The following CSMD1 variants were observed in gnomAD, a reference collection of about 807,000 sequenced individuals.
The protein encoded by CSMD1 is CUB and sushi domain-containing protein 1.
A neutral mutation model predicts 417.5 loss-of-function variants in CSMD1; 213 were observed. The ratio of observed to expected loss-of-function variants is 0.51; its 90% CI spans 0.46 to 0.57. The LOEUF (loss-of-function observed/expected upper bound fraction) is 0.57. Ranked by LOEUF, CSMD1 falls within the 20% of genes least tolerant of loss-of-function variation. The pLI is 0.00. For missense variants in CSMD1, 6,923 were observed against 4,529.7 expected (o/e 1.53, Z -15.17); for synonymous variants, 2,862 against 1,736.8 (o/e 1.65, Z -16.11).
chr8:4,431,505 T>C (rs558569099), intron 2 of CSMD1, among the ~76,000 whole-genome samples: 6 of 152,126 alleles, frequency 3.9e-5, no homozygotes, highest in South Asian at 2.1e-4. Flanking sequence ...TAGAGACCAA[T>C]TGCTACTCAG....
At chr8:3,746,376 G>C (rs1311432537) in intron 6 of CSMD1, among the ~76,000 whole-genome samples, 3 of 152,186 alleles carry the variant, frequency 2.0e-5, no homozygotes, top group South Asian at 2.1e-4. Flanking sequence ...AGATTTACTG[G>C]ATACCATTGT....
chr8:4,914,583 G>GAAAAAA (rs59293226), intron 1 of CSMD1, among the ~76,000 whole-genome samples: 1 of 133,684 alleles, frequency 7.5e-6, no homozygotes. Context: ...CTCCCAAAAA[G>GAAAAAA]AAAAAAAAAA....
intron 2 of CSMD1, among the ~76,000 whole-genome samples, chr8:4,624,478 C>T (rs1182389561): frequency 6.6e-6 from 1 of 152,130 alleles, no homozygotes; most frequent in African/African-American, 2.4e-5. Flanking sequence ...CAATCACCTT[C>T]TACATCAGAG....
chr8:3,105,874 G>A (rs1039503330), intron 46 of CSMD1, among the ~76,000 whole-genome samples: 1 of 152,234 alleles, frequency 6.6e-6, no homozygotes, highest in Non-Finnish European at 1.5e-5. Context: ...AGTTTTCATA[G>A]CGGAAGCTAG....
In CSMD1 at chr8:4,994,374, C is replaced by A; in HGVS notation, c.43G>T (p.Gly15Trp). 6.2e-7 allele frequency: 1 copy of A among 1,612,094 alleles called. No individual in the cohort carries two copies. ...AGCCTCGCGCACAGCACCAGCAGCC[C>A]GAGAAGCAGGAGCAGCGACTGGAAT... The part of the protein sequence containing the change: ...RRFQSLLLLL[G>W]LLVLCARLLT... Residue 15 changes from glycine (G) to tryptophan (W), a missense_variant, in exon 1 of 70, where the codon GGG becomes TGG. Coordinates refer to ENST00000635120, the MANE Select transcript of CSMD1 (RefSeq NM_033225.6).
intron 49 of CSMD1, among the ~76,000 whole-genome samples, chr8:3,081,789 A>G (rs186091678): frequency 6.6e-6 from 1 of 152,352 alleles, no homozygotes; most frequent in East Asian, 1.9e-4. Context: ...AAAGTCAAAT[A>G]TGATAAAGCA....
intron 3 of CSMD1, among the ~76,000 whole-genome samples, chr8:4,332,552 T>TACACACAG (rs1799926811): frequency 7.8e-6 from 1 of 128,746 alleles, no homozygotes; most frequent in Non-Finnish European, 1.7e-5. Context: ...TGATATCACA[T>TACACACAG]ACACACACAC....
chr8:2,945,175 G>T (rs1403209009), intron 68 of CSMD1, among the ~76,000 whole-genome samples: 1 of 152,140 alleles, frequency 6.6e-6, no homozygotes, highest in Non-Finnish European at 1.5e-5. Context: ...GCCCTACAAG[G>T]TAGTTCCTCT....
At chr8:4,196,711 G>A (rs746986873) in intron 3 of CSMD1, among the ~76,000 whole-genome samples, 1 of 152,042 alleles carries the variant, frequency 6.6e-6, no homozygotes, top group African/African-American at 2.4e-5. Context: ...GCTAGAATAG[G>A]TCCACCAGGG....
rs531001815 is a variant in CSMD1 at position 3,525,442 on chromosome 8, G to A, written c.1345-31716C>T. Among the ~76,000 whole-genome samples, 16 of 152,224 alleles carry A rather than the reference G, an allele frequency of 1.1e-4. No homozygotes were observed. The East Asian group carries it at 2.9e-3, about 28-fold the overall frequency. ...GTACTGAGTTCACAAAAATTTACAA[G>A]CCAAGCCATTTTATAACTGACAGCA... On this transcript the variant is annotated intron_variant, in intron 10 of 69. Coordinates refer to ENST00000635120, the MANE Select transcript of CSMD1 (RefSeq NM_033225.6).
chr8:4,131,754 G>A (rs1371571751), intron 3 of CSMD1, among the ~76,000 whole-genome samples: 1 of 110,328 alleles, frequency 9.1e-6, no homozygotes, highest in East Asian at 3.1e-4. Context: ...ATACAAATGT[G>A]ACTTTTTTTT....
intron 26 of CSMD1, among the ~76,000 whole-genome samples, chr8:3,251,080 T>G (rs1477688212): frequency 3.3e-5 from 5 of 152,202 alleles, no homozygotes; most frequent in South Asian, 2.1e-4. Flanking sequence ...AGATCCCGTT[T>G]GTCAATTTTG....
intron 54 of CSMD1, among the ~76,000 whole-genome samples, 160 bp from the exon 55 acceptor site, chr8:2,978,960 G>C (rs1302952929): frequency 6.6e-6 from 1 of 152,154 alleles, no homozygotes; most frequent in African/African-American, 2.4e-5. Context: ...TGAATTCTCC[G>C]CTTTGGACCA....
At chr8:3,391,502 G>A (rs747229079) in intron 17 of CSMD1, among the ~76,000 whole-genome samples, 1 of 152,114 alleles carries the variant, frequency 6.6e-6, no homozygotes, top group Non-Finnish European at 1.5e-5. Flanking sequence ...GAATGCAATC[G>A]CTATTATATA....
At chr8:3,095,733 G>A (rs1815250519) in intron 47 of CSMD1, among the ~76,000 whole-genome samples, 1 of 152,056 alleles carries the variant, frequency 6.6e-6, no homozygotes, top group Non-Finnish European at 1.5e-5. Context: ...CTGTTATTAT[G>A]TACAGCCATA....
intron 1 of CSMD1, among the ~76,000 whole-genome samples, chr8:4,755,132 C>G (rs1278512680): frequency 1.3e-5 from 2 of 152,126 alleles, no homozygotes; most frequent in African/African-American, 2.4e-5. Context: ...GGGACACTGT[C>G]TCAAATAAAT....
chr8:3,634,239 G>A (rs949758599), intron 7 of CSMD1, among the ~76,000 whole-genome samples: 11 of 152,204 alleles, frequency 7.2e-5, no homozygotes, highest in Admixed American at 1.3e-4. Context: ...GATTAATGGT[G>A]GGGGCCTTTG....
At chr8:4,168,189 G>T (rs779333444) in intron 3 of CSMD1, among the ~76,000 whole-genome samples, 3 of 148,602 alleles carry the variant, frequency 2.0e-5, no homozygotes, top group East Asian at 2.0e-4. Flanking sequence ...ACACACACAC[G>T]TATGTATGTA....
intron 40 of CSMD1, among the ~76,000 whole-genome samples, chr8:3,144,550 C>G (rs904840172): frequency 6.6e-6 from 1 of 151,888 alleles, no homozygotes; most frequent in Admixed American, 6.6e-5. Context: ...GGTACTACAT[C>G]GCCAGTCAAG....
Sources: gnomAD v4.1 joint callset for allele counts (sites outside exome capture counted in the v4.1 genomes callset) on GRCh38, gnomAD v4.1.1 for gene constraint, MANE v1.5 for transcripts, NCBI Gene and HGNC (gene_info 2026-07-23, HGNC 2026-07-21) for gene names.